The following HECA variants were observed in gnomAD, a reference collection of about 807,000 sequenced individuals.
The protein encoded by HECA is HECA ribonucleoprotein granule regulator.
A neutral mutation model predicts 37.6 loss-of-function variants in HECA; 13 were observed. That is an observed-to-expected ratio of 0.35 (90% CI 0.23 to 0.55). HECA has a LOEUF of 0.55. HECA is among the 20% of genes least tolerant of loss of function. HECA has a pLI of 0.90. For missense variants in HECA, 527 were observed against 701.9 expected, an observed-to-expected ratio of 0.75 and a Z score of 2.82; for synonymous variants, 307 against 291.5, an observed-to-expected ratio of 1.05 and a Z score of -0.54.
rs754119417 is a variant in HECA at position 139,166,633 on chromosome 6, C to T, written c.621C>T (p.Ser207=). The change falls in exon 2 of 4, where the codon TCC becomes TCT. Residue 207 remains serine, a synonymous_variant. Coordinates refer to ENST00000367658, the MANE Select transcript of HECA (RefSeq NM_016217.3). ...ACGAGAAAAAGAAGAAGTCTGGCTC[C>T]GAGAAGAACACAGGGAGGCCTCCTG... The part of the protein sequence containing the change: ...MQDEKKKKSG[S]EKNTGRPPGE... 3.0e-5 allele frequency: 48 copies of T among 1,614,024 alleles called. No individual in the cohort carries two copies. Among genetic ancestry groups the T allele is most frequent in the Middle Eastern group, 1.6e-4 (1 of 6,084 alleles).
intron 1 of HECA, among the ~76,000 whole-genome samples, chr6:139,158,285 G>A (rs1228831036): frequency 2.0e-5 from 3 of 151,858 alleles, no homozygotes; most frequent in Middle Eastern, 3.4e-3. Flanking sequence ...GGCAGATCAC[G>A]AGGTCAGGAG....
chr6:139,168,732 T>C (rs1392342931), intron 2 of HECA, among the ~76,000 whole-genome samples: 1 of 152,154 alleles, frequency 6.6e-6, no homozygotes, highest in Non-Finnish European at 1.5e-5. Context: ...TTAGGAAACA[T>C]CCCCCAGGAG....
At chr6:139,160,290 C>T (rs920499361) in intron 1 of HECA, among the ~76,000 whole-genome samples, 4 of 152,138 alleles carry the variant, frequency 2.6e-5, no homozygotes, top group African/African-American at 9.7e-5. Flanking sequence ...GAGCATTTTT[C>T]TGTTTTGCTT....
intron 1 of HECA, among the ~76,000 whole-genome samples, chr6:139,143,105 C>T (rs960032657): frequency 3.9e-5 from 6 of 152,142 alleles, no homozygotes; most frequent in African/African-American, 1.4e-4. Flanking sequence ...AGACTGGGTA[C>T]TTCAGGCTTG....
intron 2 of HECA, chr6:139,170,021 C>T (rs934538048): frequency 6.6e-6 from 1 of 152,170 alleles, no homozygotes; most frequent in Non-Finnish European, 1.5e-5. Context: ...TACTTTCTGA[C>T]TTCATATAGT....
intron 1 of HECA, among the ~76,000 whole-genome samples, chr6:139,165,801 CAG>C (rs1774875440): frequency 1.4e-5 from 1 of 71,548 alleles, no homozygotes; most frequent in Non-Finnish European, 2.7e-5. Context: ...GCTGTTTGCA[CAG>C]TGTGGGACAT....
chr6:139,154,206 A>G (rs1393427044), intron 1 of HECA, among the ~76,000 whole-genome samples: 1 of 152,262 alleles, frequency 6.6e-6, no homozygotes, highest in African/African-American at 2.4e-5. Flanking sequence ...TGTATGTTCA[A>G]TACAGACACA....
chr6:139,168,867 T>TC (rs1774932023), intron 2 of HECA, among the ~76,000 whole-genome samples: 1 of 152,226 alleles, frequency 6.6e-6, no homozygotes, highest in East Asian at 1.9e-4. Flanking sequence ...ATACATATTT[T>TC]CCCCTTGGAA....
At chr6:139,138,114 C>CT (rs1223070781) in intron 1 of HECA, among the ~76,000 whole-genome samples, 1 of 152,048 alleles carries the variant, frequency 6.6e-6, no homozygotes, top group African/African-American at 2.4e-5. Context: ...AAATCAAATG[C>CT]TTTTTTCTTT....
chr6:139,167,923 G>A (rs1774915473), intron 2 of HECA, among the ~76,000 whole-genome samples: 1 of 152,132 alleles, frequency 6.6e-6, no homozygotes, highest in African/African-American at 2.4e-5. Flanking sequence ...GCCATAAATT[G>A]AATGACACGA....
intron 1 of HECA, among the ~76,000 whole-genome samples, chr6:139,157,960 C>T (rs1252838939): frequency 2.6e-5 from 4 of 152,196 alleles, no homozygotes; most frequent in Admixed American, 2.0e-4. Flanking sequence ...GGATGGATGG[C>T]CACTTCCTGG....
Position 139,176,960 on chromosome 6 carries a change from A to T in HECA, c.1487A>T (p.His496Leu). Reference protein sequence around the residue: ...PCCQARLNCKHCGKPVIDVRI... With the variant: ...PCCQARLNCKLCGKPVIDVRI... Reference sequence around the variant, plus strand: ...CCCCAGGCCCGCCTGAACTGTAAGCACTGTGGGAAGCCGGTGATCGACGTG... The same window carrying T: ...CCCCAGGCCCGCCTGAACTGTAAGCTCTGTGGGAAGCCGGTGATCGACGTG... The change falls in exon 4 of 4, where the codon CAC becomes CTC. Residue 496 changes from histidine to leucine, a missense_variant. His to Leu is a moderately conservative substitution (Grantham distance 99). Coordinates refer to ENST00000367658, the MANE Select transcript of HECA (RefSeq NM_016217.3). This position sits in a 1 kb window ranked among gnomAD's most constrained non-coding sequence, Gnocchi z 4.5. 3 of 872,496 alleles carry T rather than the reference A, an allele frequency of 3.4e-6. No homozygotes were observed. The highest frequency in any genetic ancestry group is 2.0e-6 in the Non-Finnish European group (1 of 501,406). The allele number at this position is 872,496 out of a possible 1,614,324, so 54.0% of individuals were successfully genotyped here. A position where few individuals can be genotyped will look rare whatever the true frequency, so the allele number is the denominator to read the frequency against.
At chr6:139,143,193 G>T (rs1774536736) in intron 1 of HECA, among the ~76,000 whole-genome samples, 1 of 152,166 alleles carries the variant, frequency 6.6e-6, no homozygotes, top group African/African-American at 2.4e-5. Flanking sequence ...CTCAGCCTCT[G>T]TTTTCTAAAT....
intron 1 of HECA, among the ~76,000 whole-genome samples, chr6:139,160,987 A>G (rs1459875673): frequency 2.0e-5 from 3 of 152,120 alleles, no homozygotes; most frequent in Non-Finnish European, 2.9e-5. Flanking sequence ...CTGGCATCAG[A>G]CACCTCTCTT....
chr6:139,168,441 T>C (rs1194699299), intron 2 of HECA, among the ~76,000 whole-genome samples: 1 of 151,712 alleles, frequency 6.6e-6, no homozygotes, highest in Non-Finnish European at 1.5e-5. Flanking sequence ...TTTTTTTTTT[T>C]TAACTTTGGC....
At chr6:139,154,563 C>A (rs1005276417) in intron 1 of HECA, among the ~76,000 whole-genome samples, 5 of 152,174 alleles carry the variant, frequency 3.3e-5, no homozygotes, top group Admixed American at 2.6e-4. Context: ...CTACGGATGA[C>A]CCGTGTTGCC....
At chr6:139,140,014 A>G (rs1379807751) in intron 1 of HECA, among the ~76,000 whole-genome samples, 1 of 152,224 alleles carries the variant, frequency 6.6e-6, no homozygotes, top group East Asian at 1.9e-4. Context: ...GGGAAAACGC[A>G]TTCTGAATTC....
chr6:139,151,550 G>A (rs925237098), intron 1 of HECA, among the ~76,000 whole-genome samples: 4 of 152,060 alleles, frequency 2.6e-5, no homozygotes, highest in African/African-American at 9.7e-5. Context: ...TTCTTTCAAA[G>A]GAAAATCCTC....
At chr6:139,156,007 T>C (rs1184079196) in intron 1 of HECA, among the ~76,000 whole-genome samples, 1 of 151,882 alleles carries the variant, frequency 6.6e-6, no homozygotes, top group Non-Finnish European at 1.5e-5. Context: ...CCATTTATAT[T>C]TTTTATATTT....
Sources: gnomAD v4.1 joint callset for allele counts (sites outside exome capture counted in the v4.1 genomes callset) on GRCh38, gnomAD v4.1.1 for gene constraint, Gnocchi (gnomAD v3.1) non-coding constraint, MANE v1.5 for transcripts, NCBI Gene and HGNC (gene_info 2026-07-23, HGNC 2026-07-21) for gene names.